Variants in PRELID2 observed in about 807,000 individuals in gnomAD.
PRELID2 encodes the protein PRELI domain containing 2, also known as PRELI domain-containing protein 2.
In PRELID2, 25 loss-of-function variants were observed where a neutral mutation model predicts 28.4. The observed-to-expected ratio is 0.88, with a 90% CI of 0.64 to 1.23. The LOEUF is 1.23. Among genes scored for constraint, PRELID2 ranks in the 50% most tolerant of loss-of-function variants. The pLI is 0.00. For synonymous variants in PRELID2, 76 were observed against 71.6 expected (o/e 1.06, Z -0.31); for missense variants, 201 against 214.4 (o/e 0.94, Z 0.39).
At chr5:145,747,859 C>A (rs550367968) in intron 1 of PRELID2, among the ~76,000 whole-genome samples, 24 of 152,268 alleles carry the variant, frequency 1.6e-4, no homozygotes, top group African/African-American at 5.3e-4. Context: ...TTAACATATG[C>A]AAATCAATAA....
chr5:145,333,689 A>C, the PRELID2 span, among the ~76,000 whole-genome samples: 1 of 152,056 alleles, frequency 6.6e-6, no homozygotes. Context: ...AAGTCAGTGA[A>C]TCTTAGCTTG....
chr5:145,656,175 A>G (rs1359034654), intron 1 of PRELID2, among the ~76,000 whole-genome samples: 2 of 152,250 alleles, frequency 1.3e-5, no homozygotes, highest in African/African-American at 4.8e-5. Flanking sequence ...TGGCCGTCAG[A>G]GAAATGCACA....
At chr5:145,315,671 T>C in the PRELID2 span, among the ~76,000 whole-genome samples, 1 of 151,640 alleles carries the variant, frequency 6.6e-6, no homozygotes, top group Non-Finnish European at 1.5e-5. Flanking sequence ...TTAATGTAGC[T>C]GACAAGAGAG....
intron 1 of PRELID2, among the ~76,000 whole-genome samples, chr5:145,710,511 C>T (rs974804662): frequency 6.6e-6 from 1 of 152,198 alleles, no homozygotes; most frequent in South Asian, 2.1e-4. Context: ...CCTACCAAAT[C>T]AGTCAGACAT....
At chr5:145,675,534 T>A (rs1464044218) in intron 1 of PRELID2, among the ~76,000 whole-genome samples, 1 of 152,158 alleles carries the variant, frequency 6.6e-6, no homozygotes, top group Non-Finnish European at 1.5e-5. Flanking sequence ...TCCATCCCAA[T>A]GGCAAAAATA....
chr5:145,522,858 A>G (rs1395584815), intron 1 of PRELID2, among the ~76,000 whole-genome samples: 1 of 151,962 alleles, frequency 6.6e-6, no homozygotes, highest in Non-Finnish European at 1.5e-5. Flanking sequence ...GAAAAAGAAG[A>G]AGGAGAAGAA....
intron 1 of PRELID2, among the ~76,000 whole-genome samples, chr5:145,737,102 C>T (rs755896460): frequency 6.6e-6 from 1 of 151,808 alleles, no homozygotes; most frequent in Non-Finnish European, 1.5e-5. Context: ...AAAGAGAGAC[C>T]GAGACTTTGA....
At chr5:145,825,242 A>C (rs1201194687) in intron 1 of PRELID2, among the ~76,000 whole-genome samples, 6 of 125,780 alleles carry the variant, frequency 4.8e-5, no homozygotes, top group African/African-American at 2.0e-4. Flanking sequence ...AAAAAAAAAA[A>C]AAAAAAAAAA....
intron 1 of PRELID2, among the ~76,000 whole-genome samples, chr5:145,679,080 G>T (rs1341874078): frequency 6.6e-6 from 1 of 152,138 alleles, no homozygotes. Context: ...GCAGTCCTCT[G>T]CATTTGGGAA....
chr5:145,289,725 G>A, the PRELID2 span, among the ~76,000 whole-genome samples: 1 of 152,160 alleles, frequency 6.6e-6, no homozygotes, highest in African/African-American at 2.4e-5. Context: ...AGTAATGAAT[G>A]AGAATTCTTA....
At chr5:145,253,309 A>G in the PRELID2 span, among the ~76,000 whole-genome samples, 1 of 152,124 alleles carries the variant, frequency 6.6e-6, no homozygotes, top group Non-Finnish European at 1.5e-5. Flanking sequence ...TTATCATGGA[A>G]TACTTATGCT....
chr5:145,652,707 T>C (rs1447419175), intron 1 of PRELID2, among the ~76,000 whole-genome samples: 2 of 152,142 alleles, frequency 1.3e-5, no homozygotes, highest in Non-Finnish European at 2.9e-5. Flanking sequence ...TGCTGAGAGA[T>C]TTTGTGACCA....
chr5:145,321,065 C>T, the PRELID2 span, among the ~76,000 whole-genome samples: 19 of 152,116 alleles, frequency 1.2e-4, no homozygotes, highest in South Asian at 3.9e-3. Context: ...CTATTTAGTC[C>T]AAGAATTGAA....
the PRELID2 span, among the ~76,000 whole-genome samples, chr5:145,390,837 C>T: frequency 6.6e-6 from 1 of 152,158 alleles, no homozygotes; most frequent in Non-Finnish European, 1.5e-5. Context: ...TACAATGGAG[C>T]TACAGACATT....
the PRELID2 span, among the ~76,000 whole-genome samples, chr5:145,454,222 T>C: frequency 1.1e-3 from 166 of 152,294 alleles, 1 homozygote; most frequent in African/African-American, 3.8e-3. Context: ...TTTGACAAAA[T>C]TCAACAGCCC....
chr5:145,798,068 T>A (rs1752884794), intron 4 of PRELID2, among the ~76,000 whole-genome samples: 1 of 151,522 alleles, frequency 6.6e-6, no homozygotes, highest in African/African-American at 2.4e-5. Context: ...AAGAATACAA[T>A]AATGGAACTA....
chr5:145,571,077 A>G (rs1753011320), intron 1 of PRELID2, among the ~76,000 whole-genome samples: 1 of 152,252 alleles, frequency 6.6e-6, no homozygotes, highest in East Asian at 1.9e-4. Flanking sequence ...TATACTAATT[A>G]CACATAAATG....
the PRELID2 span, among the ~76,000 whole-genome samples, chr5:145,372,628 G>C: frequency 2.0e-5 from 3 of 151,590 alleles, no homozygotes; most frequent in Middle Eastern, 6.8e-3. Context: ...CTTGATCTTT[G>C]TTGGTTTAAA....
At chr5:145,345,944 T>C in the PRELID2 span, among the ~76,000 whole-genome samples, 1 of 151,850 alleles carries the variant, frequency 6.6e-6, no homozygotes, top group East Asian at 1.9e-4. Flanking sequence ...ATAAACTGAG[T>C]CCCAGCTGCA....
Sources: gnomAD v4.1 joint callset for allele counts (sites outside exome capture counted in the v4.1 genomes callset) on GRCh38, gnomAD v4.1.1 for gene constraint, MANE v1.5 for transcripts, NCBI Gene and HGNC (gene_info 2026-07-23, HGNC 2026-07-21) for gene names.